Variants in PRIM2 observed in about 807,000 individuals in gnomAD.
The protein encoded by PRIM2 is DNA primase large subunit.
A neutral mutation model predicts 67.3 loss-of-function variants in PRIM2; 39 were observed. That is an observed-to-expected ratio of 0.58 (90% CI 0.45 to 0.76). PRIM2 has a LOEUF of 0.76. PRIM2 is among the 30% of genes least tolerant of loss of function. The probability of loss-of-function intolerance (pLI) is 0.00; values close to 1 mark genes in which losing one functional copy is unlikely to be tolerated. For synonymous variants in PRIM2, 143 were observed against 198.7 expected, an observed-to-expected ratio of 0.72 and a Z score of 2.36; for missense variants, 398 against 598.7, an observed-to-expected ratio of 0.66 and a Z score of 3.50.
chr6:57,248,291 A>G, the PRIM2 span, among the ~76,000 whole-genome samples: 1 of 152,224 alleles, frequency 6.6e-6, no homozygotes, highest in Non-Finnish European at 1.5e-5. Flanking sequence ...CTATCCATAG[A>G]AAGCAATAAA....
chr6:57,550,094 A>G (rs1293819421), intron 10 of PRIM2, among the ~76,000 whole-genome samples: 71 of 151,122 alleles, frequency 4.7e-4, no homozygotes, highest in African/African-American at 1.7e-3. Flanking sequence ...TCCCCCCTAA[A>G]CCCCCCTCAA....
At chr6:57,273,046 G>A in the PRIM2 span, among the ~76,000 whole-genome samples, 1 of 152,232 alleles carries the variant, frequency 6.6e-6, no homozygotes, top group African/African-American at 2.4e-5. Context: ...CTTTCTCTCT[G>A]GCTGCCCTTA....
chr6:57,463,207 C>A (rs4990709), intron 7 of PRIM2, among the ~76,000 whole-genome samples: 4 of 152,122 alleles, frequency 2.6e-5, no homozygotes, highest in East Asian at 1.9e-4. Flanking sequence ...GAAAATGAGG[C>A]GAGGCTGGGC....
intron 5 of PRIM2, among the ~76,000 whole-genome samples, chr6:57,328,164 C>T (rs1256807059): frequency 6.6e-6 from 1 of 152,076 alleles, no homozygotes; most frequent in African/African-American, 2.4e-5. Flanking sequence ...AGTGTCTCAG[C>T]GTCACATATA....
chr6:57,482,949 G>T (rs1306825167), intron 7 of PRIM2, among the ~76,000 whole-genome samples: 1 of 152,178 alleles, frequency 6.6e-6, no homozygotes, highest in South Asian at 2.1e-4. Context: ...TTGCTTTGTC[G>T]CACAGGCTGG....
rs1237081996 is a variant in PRIM2, at chr6:57,537,704, T to A, written c.1020+79T>A. 6,535 of 802,578 alleles carry A rather than the reference T, an allele frequency of 8.1e-3. 276 individuals carry two copies. In the African/African-American group the frequency reaches 0.099, roughly 12 times the overall value. 49.7% of individuals were successfully genotyped at this position (802,578 alleles called of 1,614,324 possible). On this transcript the variant is annotated intron_variant, in intron 10 of 13. Transcript: ENST00000615550. ...AAATGAAACGGTCTATTTTTTTTTT[T>A]AAATATGCTCCCTGCAATGTAGTTG...
chr6:57,542,937 G>A (rs1213451147), intron 10 of PRIM2, among the ~76,000 whole-genome samples: 4 of 63,050 alleles, frequency 6.3e-5, no homozygotes, highest in Non-Finnish European at 1.2e-4. Context: ...ACTGCTTATA[G>A]GATTTTTTTT....
chr6:57,614,217 G>A (rs1280321999), intron 12 of PRIM2, among the ~76,000 whole-genome samples: 5 of 152,266 alleles, frequency 3.3e-5, no homozygotes, highest in Admixed American at 1.3e-4. Context: ...TAGGTTGTGC[G>A]CTCCTTATGA....
chr6:57,489,558 C>CAAA (rs1773838957), intron 7 of PRIM2, among the ~76,000 whole-genome samples: 5 of 143,072 alleles, frequency 3.5e-5, no homozygotes, highest in Admixed American at 7.0e-5. Context: ...CCCCCGTCTC[C>CAAA]AGAAAAAAGA....
At chr6:57,246,444 T>C in the PRIM2 span, among the ~76,000 whole-genome samples, 1 of 152,196 alleles carries the variant, frequency 6.6e-6, no homozygotes, top group African/African-American at 2.4e-5. Flanking sequence ...GGCCCAACTC[T>C]TACCAATAGC....
At chr6:57,614,098 C>T (rs1776711920) in intron 12 of PRIM2, among the ~76,000 whole-genome samples, 1 of 152,168 alleles carries the variant, frequency 6.6e-6, no homozygotes, top group South Asian at 2.1e-4. Flanking sequence ...GGAGGTGAGC[C>T]AGGGCAAGCA....
intron 5 of PRIM2, among the ~76,000 whole-genome samples, chr6:57,336,383 G>A (rs1222218283): frequency 6.6e-6 from 1 of 151,988 alleles, no homozygotes; most frequent in Non-Finnish European, 1.5e-5. Context: ...TCCTCGAGAA[G>A]AGCAACTGCA....
intron 7 of PRIM2, among the ~76,000 whole-genome samples, chr6:57,475,055 T>C (rs1286277887): frequency 6.6e-6 from 1 of 152,212 alleles, no homozygotes; most frequent in Non-Finnish European, 1.5e-5. Context: ...AATGCAGGCA[T>C]GCTTTGAGGC....
At chr6:57,418,660 AAAG>A (rs1771362953) in intron 7 of PRIM2, among the ~76,000 whole-genome samples, 1 of 151,856 alleles carries the variant, frequency 6.6e-6, no homozygotes, top group Middle Eastern at 3.2e-3. Context: ...TCGGCCTCCC[AAAG>A]TGCTGGGATT....
At chr6:57,242,058 A>C in the PRIM2 span, among the ~76,000 whole-genome samples, 2 of 152,206 alleles carry the variant, frequency 1.3e-5, no homozygotes, top group African/African-American at 4.8e-5. Flanking sequence ...AAAGTGACTG[A>C]TAAAGGCTCA....
At chr6:57,556,946 A>T (rs1381305292) in intron 10 of PRIM2, among the ~76,000 whole-genome samples, 1 of 143,502 alleles carries the variant, frequency 7.0e-6, no homozygotes, top group Non-Finnish European at 1.5e-5. Context: ...AAAAAAGTCC[A>T]TTAAAAAGTA....
At chr6:57,564,910 A>G (rs1775707203) in intron 10 of PRIM2, among the ~76,000 whole-genome samples, 1 of 152,262 alleles carries the variant, frequency 6.6e-6, no homozygotes, top group Non-Finnish European at 1.5e-5. Flanking sequence ...GCAACCATCA[A>G]CAATGTTTAA....
chr6:57,521,386 T>TGTTTG (rs1774620620), intron 8 of PRIM2, among the ~76,000 whole-genome samples: 1 of 149,504 alleles, frequency 6.7e-6, no homozygotes, highest in African/African-American at 2.5e-5. Context: ...TTTTTTTTTT[T>TGTTTG]TTTTTTTAAC....
chr6:57,525,763 C>G (rs1200633031), intron 8 of PRIM2, among the ~76,000 whole-genome samples: 30 of 152,302 alleles, frequency 2.0e-4, no homozygotes, highest in Admixed American at 1.5e-3. Context: ...CTCCTCTCTG[C>G]GGGCTTGAGG....
Sources: gnomAD v4.1 joint callset for allele counts (sites outside exome capture counted in the v4.1 genomes callset) on GRCh38, gnomAD v4.1.1 for gene constraint, MANE v1.5 for transcripts, NCBI Gene and HGNC (gene_info 2026-07-23, HGNC 2026-07-21) for gene names.